Variants in GALNT13 observed in about 807,000 individuals in gnomAD.
GALNT13 encodes polypeptide N-acetylgalactosaminyltransferase 13.
A neutral mutation model predicts 64.2 loss-of-function variants in GALNT13; 28 were observed. The ratio of observed to expected loss-of-function variants is 0.44; its 90% CI spans 0.32 to 0.60. GALNT13 has a LOEUF of 0.60. GALNT13 is among the 20% of genes least tolerant of loss of function. The pLI, the probability that GALNT13 is intolerant of heterozygous loss-of-function variation, is 0.05. For synonymous variants in GALNT13, 214 were observed against 224.6 expected, an observed-to-expected ratio of 0.95 and a Z score of 0.42; for missense variants, 577 against 669.8, an observed-to-expected ratio of 0.86 and a Z score of 1.53.
At chr2:154,266,742 C>A (rs1691024324) in intron 8 of GALNT13, among the ~76,000 whole-genome samples, 1 of 151,476 alleles carries the variant, frequency 6.6e-6, no homozygotes, top group Admixed American at 6.6e-5. Flanking sequence ...TATTGCATAT[C>A]AATATAGATT....
the GALNT13 span, among the ~76,000 whole-genome samples, chr2:153,225,732 C>T: frequency 3.8e-4 from 57 of 151,968 alleles, no homozygotes; most frequent in African/African-American, 1.4e-3. Flanking sequence ...AATAGTAGCA[C>T]CTAAAAATAA....
At chr2:153,898,952 A>G (rs1321285922) in intron 1 of GALNT13, among the ~76,000 whole-genome samples, 1 of 151,862 alleles carries the variant, frequency 6.6e-6, no homozygotes, top group East Asian at 1.9e-4. Context: ...AGAGTAAAAG[A>G]TGGTTTGTAA....
At chr2:153,627,698 T>A in the GALNT13 span, among the ~76,000 whole-genome samples, 2 of 152,144 alleles carry the variant, frequency 1.3e-5, no homozygotes, top group South Asian at 2.1e-4. Flanking sequence ...CAGCCATGTT[T>A]GAGAAGACAG....
rs1682840620 is a variant in GALNT13 at position 154,134,581 on chromosome 2, G to A, written c.143-5756G>A. On this transcript the variant is annotated intron_variant, in intron 3 of 12. Coordinates refer to ENST00000392825, the MANE Select transcript of GALNT13 (RefSeq NM_052917.4). ...ATAAATATTCAAAGAAAAAGCATTG[G>A]TTAAATAAATGATGGTATATCCAAA... Among the ~76,000 whole-genome samples, 4 of 152,154 alleles carry A rather than the reference G, an allele frequency of 2.6e-5. 1 individual carries two copies. The highest frequency in any genetic ancestry group is 2.6e-4 in the Admixed American group (4 of 15,278).
At position 154,324,434 on chromosome 2, in the gene GALNT13, G is replaced by A. The variant is rs148266916; in HGVS notation, c.1156+22845G>A. ...CAGCAATACAACATGTGATGATTTC[G>A]TATATTTATATTGTGATATATTTAA... is the stretch of plus-strand genomic sequence containing the variant. On this transcript the variant is annotated intron_variant, in intron 9 of 12. Coordinates refer to ENST00000392825, the MANE Select transcript of GALNT13 (RefSeq NM_052917.4). Among the ~76,000 whole-genome samples, 20 of 151,970 alleles carry A rather than the reference G, an allele frequency of 1.3e-4. 1 individual carries two copies. In the East Asian group the frequency reaches 2.9e-3, roughly 22 times the overall value.
the GALNT13 span, among the ~76,000 whole-genome samples, chr2:153,231,277 AAT>A: frequency 9.9e-4 from 151 of 152,324 alleles, no homozygotes; most frequent in African/African-American, 3.4e-3. Context: ...CAGTTTAAAA[AAT>A]AGAGGCAAAT....
At chr2:153,520,460 T>C in the GALNT13 span, among the ~76,000 whole-genome samples, 1 of 152,168 alleles carries the variant, frequency 6.6e-6, no homozygotes, top group Admixed American at 6.5e-5. Context: ...TTGGCTTCAT[T>C]GAGAATCTAA....
In GALNT13 at chr2:154,092,076, A is replaced by G. The variant is rs1300825247; in HGVS notation, c.143-48261A>G. ...GAGGCATTTCATGCTTCATGTCTGG[A>G]AAAAAAAAAAAAAAAAAAAAAAAAA... On this transcript the variant is annotated intron_variant, in intron 3 of 12. Transcript: ENST00000392825. 8.9e-3 allele frequency among the ~76,000 whole-genome samples: 391 copies of G among 44,172 alleles called. 1 individual carries two copies. Among genetic ancestry groups the G allele is most frequent in the African/African-American group, 0.045 (361 of 8,034 alleles). The allele number at this position is 44,172 out of a possible 152,430, so 29.0% of individuals were successfully genotyped here.
chr2:153,452,346 T>G, the GALNT13 span, among the ~76,000 whole-genome samples: 11 of 152,108 alleles, frequency 7.2e-5, no homozygotes, highest in Admixed American at 4.6e-4. Context: ...CTGGTCGTGG[T>G]GGAGGGTGCC....
At chr2:154,199,187 CTGAT>C (rs1194907287) in intron 4 of GALNT13, among the ~76,000 whole-genome samples, 1 of 151,632 alleles carries the variant, frequency 6.6e-6, no homozygotes, top group Non-Finnish European at 1.5e-5. Flanking sequence ...GTTTAGAAAA[CTGAT>C]TCTGTTCTGC....
At chr2:153,396,891 A>G in the GALNT13 span, among the ~76,000 whole-genome samples, 1 of 152,112 alleles carries the variant, frequency 6.6e-6, no homozygotes, top group Non-Finnish European at 1.5e-5. Flanking sequence ...CTTCACATTC[A>G]GGCAGCCAGG....
At chr2:153,531,340 C>T in the GALNT13 span, among the ~76,000 whole-genome samples, 1 of 152,116 alleles carries the variant, frequency 6.6e-6, no homozygotes, top group South Asian at 2.1e-4. Flanking sequence ...TGTTACATGG[C>T]TGGAGTAGGA....
chr2:154,413,502 A>T (rs972949234), intron 11 of GALNT13, among the ~76,000 whole-genome samples: 18 of 152,136 alleles, frequency 1.2e-4, no homozygotes, highest in African/African-American at 4.3e-4. Context: ...AAAGAATAAA[A>T]GCCAAATTCT....
chr2:153,926,404 A>G (rs1415326374), intron 2 of GALNT13: 1 of 152,078 alleles, frequency 6.6e-6, no homozygotes, highest in East Asian at 1.9e-4. Context: ...TTAAGGTTGT[A>G]TTTGTTTAAA....
intron 2 of GALNT13, among the ~76,000 whole-genome samples, chr2:153,914,860 T>C (rs1215029489): frequency 6.6e-6 from 1 of 152,138 alleles, no homozygotes; most frequent in Non-Finnish European, 1.5e-5. Flanking sequence ...TTCTGGACAA[T>C]CCTCCAGTGG....
the GALNT13 span, among the ~76,000 whole-genome samples, chr2:153,124,500 TTTTGTTTG>T: frequency 3.3e-5 from 5 of 152,014 alleles, no homozygotes; most frequent in South Asian, 2.1e-4. Context: ...GCTCGCTTTG[TTTTGTTTG>T]TTTGTTTGTT....
chr2:153,202,186 T>G, the GALNT13 span, among the ~76,000 whole-genome samples: 1 of 151,622 alleles, frequency 6.6e-6, no homozygotes, highest in African/African-American at 2.4e-5. Flanking sequence ...GGGTTTCACC[T>G]TGTTAGCCAG....
the GALNT13 span, among the ~76,000 whole-genome samples, chr2:153,585,406 CA>C: frequency 1.3e-5 from 2 of 152,060 alleles, no homozygotes; most frequent in African/African-American, 4.8e-5. Flanking sequence ...AAAGAATAAA[CA>C]AAGCCTTTGA....
the GALNT13 span, among the ~76,000 whole-genome samples, chr2:153,729,332 C>T: frequency 6.6e-6 from 1 of 151,862 alleles, no homozygotes. Context: ...TATATTTTTT[C>T]TTCTGTGGAT....
Sources: gnomAD v4.1 joint callset for allele counts (sites outside exome capture counted in the v4.1 genomes callset) on GRCh38, gnomAD v4.1.1 for gene constraint, MANE v1.5 for transcripts, NCBI Gene and HGNC (gene_info 2026-07-23, HGNC 2026-07-21) for gene names.